CLSPN: variants seen among roughly 807,000 people sequenced by gnomAD.
CLSPN encodes the protein claspin homolog.
CLSPN carries 85 observed loss-of-function variants against 156.3 expected under a neutral mutation model. That is an observed-to-expected ratio of 0.54 (90% CI 0.46 to 0.65). The LOEUF is 0.65. Ranked by LOEUF, CLSPN falls within the 30% of genes least tolerant of loss-of-function variation. The probability of loss-of-function intolerance (pLI) is 0.00; values close to 1 mark genes in which losing one functional copy is unlikely to be tolerated. For missense variants in CLSPN, 1,407 were observed against 1,554.9 expected (o/e 0.90, Z 1.60); for synonymous variants, 534 against 542.4 (o/e 0.98, Z 0.22).
intron 21 of CLSPN, 42 bp from the exon 22 acceptor site, chr1:35,738,139 T>G: frequency 1.6e-6 from 1 of 607,748 alleles, no homozygotes. Flanking sequence ...TATATATATA[T>G]ACAGCATTAA....
At chr1:35,740,458 G>A (rs995585607) in intron 18 of CLSPN, among the ~76,000 whole-genome samples, 34 of 149,506 alleles carry the variant, frequency 2.3e-4, no homozygotes, top group African/African-American at 7.1e-4. Context: ...TCGCTCTGTC[G>A]CCTAGGCTGG....
rs1641438488 is a variant in CLSPN at position 35,735,631 on chromosome 1, C to T, written c.*865G>A. On this transcript the variant is annotated 3_prime_UTR_variant, in exon 25 of 25. Transcript: ENST00000318121. ...GCTGAGACAGGAGAATCACTTGAAC[C>T]CGGGAGGCAGAGGTTGCCGTGAGCC... 2 of 743,778 alleles carry T rather than the reference C, an allele frequency of 2.7e-6. No homozygotes were observed. The highest frequency in any genetic ancestry group is 3.3e-6 in the Non-Finnish European group (2 of 609,938). The allele number at this position is 743,778 out of a possible 1,614,324, so 46.1% of individuals were successfully genotyped here. A position where few individuals can be genotyped will look rare whatever the true frequency, so the allele number is the denominator to read the frequency against.
At chr1:35,752,494 CT>C (rs1254561012) in intron 9 of CLSPN, among the ~76,000 whole-genome samples, 1 of 146,242 alleles carries the variant, frequency 6.8e-6, no homozygotes, top group Non-Finnish European at 1.5e-5. Context: ...AGGAGAATCA[CT>C]TGAACCCAGG....
rs1227125263 is a variant in CLSPN, at chr1:35,760,642, C to T, written c.1279G>A (p.Val427Met). The change falls in exon 8 of 25, where the codon GTG becomes ATG. Residue 427 changes from valine to methionine, a missense_variant. Around this residue, in one of 3 missense-constraint regions of CLSPN, gnomAD observed 1,096 missense variants for 1,193.0 expected, o/e 0.92. Coordinates refer to ENST00000318121, the MANE Select transcript of CLSPN (RefSeq NM_022111.4). Reference sequence around the variant, plus strand: ...AGGAAGTTGGATTCCTGTTGCAACACTGAGCTGTCCCCAGGTGAAGGTCTA... The same window carrying T: ...AGGAAGTTGGATTCCTGTTGCAACATTGAGCTGTCCCCAGGTGAAGGTCTA... ...DIRPSPGDSS[V>M]LQQESNFLGN... is the part of the protein sequence containing the mutation. 3.1e-6 allele frequency: 5 copies of T among 1,614,118 alleles called. No homozygotes were observed. The highest frequency in any genetic ancestry group is 1.1e-5 in the South Asian group (1 of 91,084).
At chr1:35,743,371 T>A in intron 17 of CLSPN, 84 bp downstream of exon 17, 1 of 1,398,038 alleles carries the variant, frequency 7.2e-7, no homozygotes, top group Non-Finnish European at 1.0e-6. Flanking sequence ...AACTTAGAAT[T>A]CTCAAGAACT....
chr1:35,768,454 C>T (rs1043846844), intron 1 of CLSPN, among the ~76,000 whole-genome samples: 3 of 151,390 alleles, frequency 2.0e-5, no homozygotes, highest in Non-Finnish European at 2.9e-5. Context: ...GTCACCTAGG[C>T]TGGAGTGCAG....
chr1:35,742,294 T>C (rs1641722361), intron 18 of CLSPN, among the ~76,000 whole-genome samples: 1 of 152,194 alleles, frequency 6.6e-6, no homozygotes, highest in Non-Finnish European at 1.5e-5. Context: ...TATGTGATCT[T>C]GGGTAAATTT....
chr1:35,747,369 G>A (rs1571204462), intron 14 of CLSPN, among the ~76,000 whole-genome samples: 1 of 152,146 alleles, frequency 6.6e-6, no homozygotes, highest in African/African-American at 2.4e-5. Context: ...CAAAGTAGGG[G>A]GTGAAAAACC....
chr1:35,748,327 G>T, intron 13 of CLSPN, 78 bp downstream of exon 13: 5 of 1,368,048 alleles, frequency 3.7e-6, no homozygotes, highest in Non-Finnish European at 4.2e-6. Context: ...GGTGGGAGTT[G>T]GTTGGCTGGG....
chr1:35,759,829 CTT>C (rs530890885), intron 8 of CLSPN, among the ~76,000 whole-genome samples: 4 of 128,262 alleles, frequency 3.1e-5, no homozygotes, highest in Admixed American at 8.1e-5. Context: ...TATCAACAAC[CTT>C]TTTTTTTTTT....
At chr1:35,763,128 A>G in intron 4 of CLSPN, 32 bp downstream of exon 4, 1 of 1,485,760 alleles carries the variant, frequency 6.7e-7, no homozygotes, top group Non-Finnish European at 8.9e-7. Flanking sequence ...GAAGCAGTTG[A>G]TTAACTCTTA....
chr1:35,745,500 G>T lies in CLSPN; in HGVS notation c.2917C>A (p.Pro973Thr). The T allele has an allele frequency of 1.2e-6, 2 of 1,614,004 alleles. No individual in the cohort carries two copies. Among genetic ancestry groups the T allele is most frequent in the Non-Finnish European group, 1.7e-6 (2 of 1,179,946 alleles). The change falls in exon 16 of 25, where the codon CCA (proline) becomes ACA (threonine). Residue 973 changes from proline to threonine, a missense_variant. Around this residue, in one of 3 missense-constraint regions of CLSPN, gnomAD observed 1,096 missense variants for 1,193.0 expected, o/e 0.92. Transcript: ENST00000318121. ...CAAAGAGCAAGTGCTTCTTCCATTG[G>T]ATCACCCATGCTGCTCTCCTTCTCC... The part of the protein sequence containing the change: ...KQEKESSMGD[P>T]MEEALALCSG...
At chr1:35,767,042 C>T (rs183088084) in intron 1 of CLSPN, among the ~76,000 whole-genome samples, 2 of 152,236 alleles carry the variant, frequency 1.3e-5, no homozygotes, top group South Asian at 2.1e-4. Flanking sequence ...CCACCACAAC[C>T]GGCCCTGTAT....
At chr1:35,721,575 A>T (rs1261574288) in intron 24 of CLSPN, among the ~76,000 whole-genome samples, 2 of 151,922 alleles carry the variant, frequency 1.3e-5, no homozygotes, top group Non-Finnish European at 2.9e-5. Flanking sequence ...TTTAGTAGAG[A>T]CAGGGTTTCA....
chr1:35,747,178 C>T (rs1375257628), intron 14 of CLSPN, among the ~76,000 whole-genome samples, 186 bp from the exon 15 acceptor site: 1 of 151,956 alleles, frequency 6.6e-6, no homozygotes, highest in African/African-American at 2.4e-5. Context: ...AAAAATTAGC[C>T]GGGCGTGGTG....
rs1273466074 is a variant in CLSPN, at chr1:35,764,171, TAGTC to T, written c.582+91_582+94del. ...ACACAAAATAGTCAATTCAAAGCAA[TAGTC>T]AGAGAGCAGAAACAACCTCAAGTAC... On this transcript the variant is annotated intron_variant, in intron 3 of 24. Coordinates refer to ENST00000318121, the MANE Select transcript of CLSPN (RefSeq NM_022111.4). 3 of 726,700 alleles carry T rather than the reference TAGTC, an allele frequency of 4.1e-6. No homozygotes were observed. The African/African-American group carries it at 5.3e-5, about 13-fold the overall frequency. 45.0% of individuals were successfully genotyped at this position (726,700 alleles called of 1,614,324 possible).
intron 18 of CLSPN, among the ~76,000 whole-genome samples, chr1:35,741,188 T>A (rs1423851967): frequency 1.3e-5 from 2 of 152,282 alleles, no homozygotes; most frequent in Non-Finnish European, 2.9e-5. Context: ...ATTATACATA[T>A]AGAAAGATTG....
At position 35,736,501 on chromosome 1, in the gene CLSPN, T is replaced by C; in HGVS notation, c.4015A>G (p.Ser1339Gly). 1.3e-6 allele frequency: 2 copies of C among 1,599,022 alleles called. No individual in the cohort carries two copies. The highest frequency in any genetic ancestry group is 1.7e-6 in the Non-Finnish European group (2 of 1,173,772). Residue 1339 changes from serine (S) to glycine (G), a missense_variant, in exon 25 of 25, where the codon AGC becomes GGC. This residue lies in a region of CLSPN where 241 missense variants were observed against 240.5 expected (regional missense o/e 1.00). Coordinates refer to ENST00000318121, the MANE Select transcript of CLSPN (RefSeq NM_022111.4). Reference protein sequence around the residue: ...LTRSIFKYLES With the variant: ...LTRSIFKYLEG ...TTTTGGCACCTTTGATGGTGTTAGCTCTCCAAATATTTGAAGATGCTTCGC... is the reference window on the plus strand; with the variant it reads ...TTTTGGCACCTTTGATGGTGTTAGCCCTCCAAATATTTGAAGATGCTTCGC...
At chr1:35,724,284 G>A (rs1641132679) in intron 24 of CLSPN, among the ~76,000 whole-genome samples, 1 of 152,134 alleles carries the variant, frequency 6.6e-6, no homozygotes, top group African/African-American at 2.4e-5. Context: ...ATGAATAAGA[G>A]CTCACCAAGA....
Sources: gnomAD v4.1 joint callset for allele counts (sites outside exome capture counted in the v4.1 genomes callset) on GRCh38, gnomAD v4.1.1 for gene constraint, gnomAD v4.1.1 regional missense constraint, MANE v1.5 for transcripts, NCBI Gene and HGNC (gene_info 2026-07-23, HGNC 2026-07-21) for gene names.